Variants in JPH1 observed in about 807,000 individuals in gnomAD.
JPH1 encodes the protein junctophilin-1.
In JPH1, 12 loss-of-function variants were observed where a neutral mutation model predicts 53.6. The observed-to-expected ratio is 0.22, with a 90% confidence interval of 0.14 to 0.36. The LOEUF (loss-of-function observed/expected upper bound fraction) is 0.36, where lower values mean the gene tolerates loss of function less well. JPH1 is among the 10% of genes least tolerant of loss of function. The pLI, the probability that JPH1 is intolerant of heterozygous loss-of-function variation, is 1.00. For missense variants in JPH1, 808 were observed against 905.5 expected (o/e 0.89, Z 1.38); for synonymous variants, 375 against 363.8 (o/e 1.03, Z -0.35).
chr8:74,272,728 C>T (rs1466414360), intron 2 of JPH1, among the ~76,000 whole-genome samples: 2 of 151,736 alleles, frequency 1.3e-5, no homozygotes, highest in African/African-American at 4.9e-5. Flanking sequence ...CTCAGCCTCC[C>T]GTGTAGCTGG....
intron 2 of JPH1, among the ~76,000 whole-genome samples, chr8:74,285,103 G>C (rs915817714): frequency 6.6e-6 from 1 of 152,076 alleles, no homozygotes; most frequent in Non-Finnish European, 1.5e-5. Context: ...GATTACAGGC[G>C]TGAGCCACTG....
At chr8:74,256,303 A>G (rs1052974765) in intron 3 of JPH1, among the ~76,000 whole-genome samples, 4 of 151,928 alleles carry the variant, frequency 2.6e-5, no homozygotes, top group African/African-American at 4.8e-5. Context: ...CAAAAAACCA[A>G]ACACCGCATG....
intron 2 of JPH1, among the ~76,000 whole-genome samples, chr8:74,283,633 C>T (rs1039673134): frequency 1.3e-5 from 2 of 152,186 alleles, no homozygotes; most frequent in African/African-American, 4.8e-5. Context: ...TCATTTTAAT[C>T]TTTTAGTTCT....
chr8:74,245,189 AAAG>A lies in JPH1; in HGVS notation c.1259-17_1259-15del, dbSNP rs751809065. ...CGTAATCAGGGCCTGGCCAAAAAAA[AAAG>A]AAAAAAGAAAAAAAGAAAGGAGGTA... On this transcript the variant is annotated splice_polypyrimidine_tract_variant and intron_variant, in intron 3 of 5. Coordinates refer to ENST00000342232, the MANE Select transcript of JPH1 (RefSeq NM_020647.4). The A allele has an allele frequency of 8.4e-6, 13 of 1,545,002 alleles. No individual in the cohort carries two copies. The highest frequency in any genetic ancestry group is 8.4e-5 in the African/African-American group (6 of 71,464).
intron 2 of JPH1, among the ~76,000 whole-genome samples, chr8:74,291,907 T>C (rs1004680382): frequency 6.6e-6 from 1 of 152,140 alleles, no homozygotes; most frequent in Non-Finnish European, 1.5e-5. Flanking sequence ...ACCATCATTC[T>C]CAGCAAACTA....
intron 2 of JPH1, among the ~76,000 whole-genome samples, chr8:74,285,982 T>C (rs1807153726): frequency 6.6e-6 from 1 of 152,210 alleles, no homozygotes; most frequent in Non-Finnish European, 1.5e-5. Flanking sequence ...TTTTGAACCA[T>C]GAACATGTAT....
chr8:74,310,580 AG>A (rs1413810265), intron 2 of JPH1, among the ~76,000 whole-genome samples: 1 of 152,124 alleles, frequency 6.6e-6, no homozygotes, highest in Non-Finnish European at 1.5e-5. Context: ...GGAATTATAC[AG>A]GGGCCCATAA....
chr8:74,235,406 C>T lies in JPH1; in HGVS notation c.*1645G>A, dbSNP rs1055644829. ...GTAAGAAACATCACTGGGTTACTAC[C>T]CTGCAGGTGACAAAGCACTCAGTCC... is the stretch of plus-strand genomic sequence containing the variant. On this transcript the variant is annotated 3_prime_UTR_variant, in exon 6 of 6. Coordinates refer to ENST00000342232, the MANE Select transcript of JPH1 (RefSeq NM_020647.4). 1 of 152,290 alleles carries T rather than the reference C, an allele frequency of 6.6e-6. No homozygotes were observed. The highest frequency in any genetic ancestry group is 1.5e-5 in the Non-Finnish European group (1 of 68,000). The allele number at this position is 152,290 out of a possible 1,614,324, so 9.4% of individuals were successfully genotyped here. A position where few individuals can be genotyped will look rare whatever the true frequency, so the allele number is the denominator to read the frequency against.
At chr8:74,313,739 C>T (rs974267730) in intron 2 of JPH1, among the ~76,000 whole-genome samples, 3 of 151,886 alleles carry the variant, frequency 2.0e-5, no homozygotes, top group African/African-American at 7.3e-5. Flanking sequence ...TTCAAAAGGG[C>T]GTTTACTTCT....
intron 2 of JPH1, among the ~76,000 whole-genome samples, chr8:74,290,296 T>TA (rs1295812618): frequency 5.9e-5 from 9 of 152,108 alleles, no homozygotes; most frequent in Non-Finnish European, 1.0e-4. Context: ...AGTCTCAGGA[T>TA]AAAAAATCAA....
chr8:74,315,025 G>A lies in JPH1; in HGVS notation c.975C>T (p.Ser325=). 6.2e-7 allele frequency: 1 copy of A among 1,614,146 alleles called. No individual in the cohort carries two copies. The highest frequency in any genetic ancestry group is 1.1e-5 in the South Asian group (1 of 91,084). Residue 325 remains serine, a synonymous_variant, in exon 2 of 6, where the codon TCC becomes TCT. Coordinates refer to ENST00000342232, the MANE Select transcript of JPH1 (RefSeq NM_020647.4). The surrounding 1 kb of genome is among the most constrained non-coding windows in gnomAD (Gnocchi z 6.3). The part of the protein sequence containing the change: ...GYGCTVFPDG[S]KEEGKYKNNI... ...TATTTTTGTATTTTCCCTCTTCTTT[G>A]GAGCCGTCAGGAAACACGGTACAGC...
At chr8:74,251,855 C>A (rs1434081224) in intron 3 of JPH1, among the ~76,000 whole-genome samples, 3 of 152,130 alleles carry the variant, frequency 2.0e-5, no homozygotes, top group Non-Finnish European at 4.4e-5. Context: ...AAAGAGCCTG[C>A]ATTGCCAAGT....
chr8:74,320,768 C>T lies in JPH1; in HGVS notation c.379+141G>A. ...CCTCTCTGGGAAAGGCGGGCGCGGG[C>T]GCGGGGGTGGGAGGCGCCCCCAGGT... On this transcript the variant is annotated intron_variant, in intron 1 of 5. Transcript: ENST00000342232. The surrounding 1 kb of genome is among the most constrained non-coding windows in gnomAD (Gnocchi z 4.4). 2 of 1,039,244 alleles carry T rather than the reference C, an allele frequency of 1.9e-6. No individual in the cohort carries two copies. The highest frequency in any genetic ancestry group is 2.6e-6 in the Non-Finnish European group (2 of 768,706). The allele number at this position is 1,039,244 out of a possible 1,614,324, so 64.4% of individuals were successfully genotyped here.
At chr8:74,268,419 G>T (rs1003905388) in intron 2 of JPH1, among the ~76,000 whole-genome samples, 5 of 152,128 alleles carry the variant, frequency 3.3e-5, no homozygotes, top group African/African-American at 9.7e-5. Flanking sequence ...AGGATGGGGA[G>T]GATGGTGTAA....
At chr8:74,301,109 C>A (rs1457403003) in intron 2 of JPH1, among the ~76,000 whole-genome samples, 1 of 152,146 alleles carries the variant, frequency 6.6e-6, no homozygotes, top group East Asian at 1.9e-4. Context: ...TAACCCACTA[C>A]TTGCAGTCCA....
intron 4 of JPH1, among the ~76,000 whole-genome samples, chr8:74,238,613 T>G (rs1805610000): frequency 6.6e-6 from 1 of 152,170 alleles, no homozygotes; most frequent in South Asian, 2.1e-4. Flanking sequence ...AACCAATATT[T>G]AATGAGACTC....
chr8:74,285,557 T>C (rs1022554581), intron 2 of JPH1, among the ~76,000 whole-genome samples: 1 of 152,212 alleles, frequency 6.6e-6, no homozygotes, highest in Non-Finnish European at 1.5e-5. Context: ...TTTATAAATT[T>C]AGTGTCAAAA....
chr8:74,316,116 C>T (rs181783448), intron 1 of JPH1, among the ~76,000 whole-genome samples: 35 of 152,296 alleles, frequency 2.3e-4, no homozygotes, highest in Non-Finnish European at 3.4e-4. Context: ...AATCGGAATA[C>T]TTGGGACACA....
chr8:74,248,647 C>A (rs1805937856), intron 3 of JPH1, among the ~76,000 whole-genome samples: 1 of 152,138 alleles, frequency 6.6e-6, no homozygotes, highest in African/African-American at 2.4e-5. Context: ...CAAGTCCTAG[C>A]CAACTAAATG....
Sources: allele counts gnomAD v4.1 joint callset (sites outside exome capture counted in the v4.1 genomes callset), GRCh38; gene constraint gnomAD v4.1.1; non-coding constraint Gnocchi (gnomAD v3.1); transcripts MANE v1.5; gene names NCBI Gene and HGNC (gene_info 2026-07-23, HGNC 2026-07-21).